ZSWIM6: variants seen among roughly 807,000 people sequenced by gnomAD.
ZSWIM6 encodes zinc finger SWIM-type containing 6, also known as zinc finger SWIM domain-containing protein 6.
A neutral mutation model predicts 113.2 loss-of-function variants in ZSWIM6; 9 were observed. The ratio of observed to expected loss-of-function variants is 0.08; its 90% confidence interval spans 0.05 to 0.14. The LOEUF (loss-of-function observed/expected upper bound fraction) is 0.14. Among genes scored for constraint, ZSWIM6 ranks in the 10% least tolerant of loss-of-function variants. The pLI, the probability that ZSWIM6 is intolerant of heterozygous loss-of-function variation, is 1.00. For synonymous variants in ZSWIM6, 611 were observed against 606.5 expected (o/e 1.01, Z -0.11); for missense variants, 1,162 against 1,552.2 (o/e 0.75, Z 4.22).
chr5:61,495,546 C>T (rs1206581123), intron 4 of ZSWIM6, among the ~76,000 whole-genome samples: 2 of 152,066 alleles, frequency 1.3e-5, no homozygotes, highest in Non-Finnish European at 1.5e-5. Context: ...CTTGTAATAA[C>T]TTAATCTTGC....
At chr5:61,458,352 TAC>T (rs1212323607) in intron 1 of ZSWIM6, among the ~76,000 whole-genome samples, 1 of 152,218 alleles carries the variant, frequency 6.6e-6, no homozygotes, top group East Asian at 1.9e-4. Context: ...CTAAAAATTT[TAC>T]AGTTTGAGAA....
chr5:61,522,671 T>C (rs545269124), intron 5 of ZSWIM6, among the ~76,000 whole-genome samples: 16 of 152,342 alleles, frequency 1.1e-4, no homozygotes, highest in African/African-American at 3.8e-4. Context: ...TTGCCCATGA[T>C]GATTGTATTT....
rs1175570194 is a variant in ZSWIM6, at chr5:61,356,457, T to A, written c.676+23509T>A. Among the ~76,000 whole-genome samples, 4 of 151,976 alleles carry A rather than the reference T, an allele frequency of 2.6e-5. No individual in the cohort carries two copies. In the East Asian group the frequency reaches 7.7e-4, roughly 29 times the overall value. The stretch of plus-strand genomic sequence containing the variant: ...GGGTTGGTTATGATATTTGGGATTT[T>A]ATTTCTGGTAAAATACAATGAATGC... On this transcript the variant is annotated intron_variant, in intron 1 of 13. Coordinates refer to ENST00000252744, the MANE Select transcript of ZSWIM6 (RefSeq NM_020928.2).
chr5:61,504,623 C>G (rs545853043), intron 4 of ZSWIM6, among the ~76,000 whole-genome samples: 1 of 152,298 alleles, frequency 6.6e-6, no homozygotes, highest in East Asian at 1.9e-4. Flanking sequence ...AATTCTTACA[C>G]AAGTATAGTG....
At chr5:61,420,594 T>A (rs1180509615) in intron 1 of ZSWIM6, among the ~76,000 whole-genome samples, 1 of 151,982 alleles carries the variant, frequency 6.6e-6, no homozygotes, top group Non-Finnish European at 1.5e-5. Context: ...CGGGGAGTGG[T>A]GGTAGAGAGT....
intron 1 of ZSWIM6, among the ~76,000 whole-genome samples, chr5:61,403,038 A>T (rs1745971047): frequency 6.6e-6 from 1 of 152,360 alleles, no homozygotes; most frequent in Non-Finnish European, 1.5e-5. Flanking sequence ...TGGTAAAATT[A>T]AGAGAGTAAT....
At chr5:61,487,818 C>T (rs75650920) in intron 2 of ZSWIM6, among the ~76,000 whole-genome samples, 2,266 of 152,026 alleles carry the variant, frequency 0.015, 64 homozygotes, top group African/African-American at 0.052. Flanking sequence ...TTGTATCATC[C>T]GTGAACAGGG....
At chr5:61,487,579 T>C (rs1479131629) in intron 2 of ZSWIM6, among the ~76,000 whole-genome samples, 1 of 152,112 alleles carries the variant, frequency 6.6e-6, no homozygotes, top group African/African-American at 2.4e-5. Flanking sequence ...CACTGTTTTA[T>C]AGTTTTTTTG....
chr5:61,385,127 C>T (rs1196961928), intron 1 of ZSWIM6, among the ~76,000 whole-genome samples: 2 of 152,174 alleles, frequency 1.3e-5, no homozygotes, highest in African/African-American at 2.4e-5. Context: ...CAGCCCCTTC[C>T]ATCTCTAAGG....
intron 1 of ZSWIM6, among the ~76,000 whole-genome samples, chr5:61,424,042 C>G (rs1351193485): frequency 6.6e-6 from 1 of 152,132 alleles, no homozygotes; most frequent in East Asian, 1.9e-4. Context: ...GTTTTTGAAG[C>G]AAGGATGCCT....
intron 1 of ZSWIM6, among the ~76,000 whole-genome samples, chr5:61,465,308 A>C (rs1294264360): frequency 6.6e-6 from 1 of 152,140 alleles, no homozygotes; most frequent in African/African-American, 2.4e-5. Flanking sequence ...TCCCTTAAGT[A>C]TGCAAGTTAA....
At chr5:61,374,007 C>T (rs1745318849) in intron 1 of ZSWIM6, among the ~76,000 whole-genome samples, 1 of 152,090 alleles carries the variant, frequency 6.6e-6, no homozygotes, top group South Asian at 2.1e-4. Flanking sequence ...AATATTGTTT[C>T]TCTTTACTTT....
At chr5:61,401,892 G>A (rs994320126) in intron 1 of ZSWIM6, among the ~76,000 whole-genome samples, 6 of 152,116 alleles carry the variant, frequency 3.9e-5, no homozygotes, top group Admixed American at 3.9e-4. Flanking sequence ...AGCAAGACCA[G>A]TCTCCTCTCC....
chr5:61,517,326 T>G (rs1596812), intron 4 of ZSWIM6, among the ~76,000 whole-genome samples: 4,799 of 152,194 alleles, frequency 0.032, 265 homozygotes, highest in African/African-American at 0.11. Context: ...CCTAGTTGTT[T>G]TTCTCTCTTT....
intron 4 of ZSWIM6, among the ~76,000 whole-genome samples, chr5:61,506,340 TGGGAGGCCGAGGC>T (rs1748617440): frequency 6.6e-6 from 1 of 152,118 alleles, no homozygotes; most frequent in Non-Finnish European, 1.5e-5. Context: ...TCCCAGCCTT[TGGGAGGCCGAGGC>T]GGGTGGATTA....
In ZSWIM6 at chr5:61,545,970, C is replaced by G. The variant is rs185327131; in HGVS notation, c.*1653C>G. ...TTTTGTTTAGAAGAACTATTTCATG[C>G]GCTCCATTTTATTTATTATAATAGG... On this transcript the variant is annotated 3_prime_UTR_variant, in exon 14 of 14. Transcript: ENST00000252744. The G allele has an allele frequency of 1.3e-5, 2 of 151,746 alleles. No individual in the cohort carries two copies. The highest frequency in any genetic ancestry group is 1.5e-5 in the Non-Finnish European group (1 of 67,964). The allele number at this position is 151,746 out of a possible 1,614,324, so 9.4% of individuals were successfully genotyped here.
intron 1 of ZSWIM6, chr5:61,375,460 A>T (rs914302011): frequency 6.5e-7 from 1 of 1,538,966 alleles, no homozygotes; most frequent in Non-Finnish European, 8.8e-7. Flanking sequence ...TTCTTCCAGC[A>T]GTTCTTCTGA....
chr5:61,405,608 A>C (rs963437792), intron 1 of ZSWIM6, among the ~76,000 whole-genome samples: 1 of 152,246 alleles, frequency 6.6e-6, no homozygotes, highest in African/African-American at 2.4e-5. Flanking sequence ...TTCCAGATAC[A>C]GGAAAACTTG....
intron 12 of ZSWIM6, among the ~76,000 whole-genome samples, chr5:61,540,918 T>G: frequency 1.0e-5 from 1 of 96,608 alleles, no homozygotes; most frequent in Non-Finnish European, 2.2e-5. Flanking sequence ...TTTTGTGGGT[T>G]TTTTTTTTTT....
Sources: allele counts gnomAD v4.1 joint callset (sites outside exome capture counted in the v4.1 genomes callset), GRCh38; gene constraint gnomAD v4.1.1; transcripts MANE v1.5; gene names NCBI Gene and HGNC (gene_info 2026-07-23, HGNC 2026-07-21).